The following SORCS1 variants were observed in gnomAD, a reference collection of about 807,000 sequenced individuals.
The protein encoded by SORCS1 is sortilin related VPS10 domain containing receptor 1.
Under a neutral mutation model 146.1 loss-of-function variants are expected in SORCS1, and 60 were observed. That is an observed-to-expected ratio of 0.41 (90% CI 0.33 to 0.51). SORCS1 has a LOEUF of 0.51. SORCS1 is among the 20% of genes least tolerant of loss of function. The probability of loss-of-function intolerance (pLI) is 0.21; values close to 1 mark genes in which losing one functional copy is unlikely to be tolerated. For missense variants in SORCS1, 1,352 were observed against 1,487.6 expected (o/e 0.91, Z 1.50); for synonymous variants, 637 against 584.0 (o/e 1.09, Z -1.31).
chr10:107,060,342 C>T lies in SORCS1; in HGVS notation c.558+103627G>A, dbSNP rs368482126. ...GTACTAGTACTGAGGAGGGTTCTTG[C>T]GAGATTAAAGTTAATTAAAAGATGA... On this transcript the variant is annotated intron_variant, in intron 1 of 25. Coordinates refer to ENST00000263054, the MANE Select transcript of SORCS1 (RefSeq NM_052918.5). This position sits in a 1 kb window ranked among gnomAD's most constrained non-coding sequence, Gnocchi z 4.1. Among the ~76,000 whole-genome samples the T allele has an allele frequency of 1.1e-4, 16 of 152,174 alleles. No individual in the cohort carries two copies. Among genetic ancestry groups the T allele is most frequent in the East Asian group, 7.7e-4 (4 of 5,182 alleles).
At chr10:106,771,782 G>C in intron 4 of SORCS1, among the ~76,000 whole-genome samples, 1 of 152,064 alleles carries the variant, frequency 6.6e-6, no homozygotes, top group Non-Finnish European at 1.5e-5. Context: ...AAGATTTCAG[G>C]GCTTTCCAAA....
At position 106,928,540 on chromosome 10, in the gene SORCS1, C is replaced by T. The variant is rs189717682; in HGVS notation, c.626+27973G>A. On this transcript the variant is annotated intron_variant, in intron 2 of 25. Transcript: ENST00000263054. Reference sequence around the variant, plus strand: ...CCTTGGCCAGCCCAGAAAGGGGCTCCCACAGTGCAGCGGTGGGCTGAAGGG... The same window carrying T: ...CCTTGGCCAGCCCAGAAAGGGGCTCTCACAGTGCAGCGGTGGGCTGAAGGG... 2.5e-3 allele frequency among the ~76,000 whole-genome samples: 386 copies of T among 152,332 alleles called. 3 individuals are homozygous for T. Among genetic ancestry groups the T allele is most frequent in the African/African-American group, 8.9e-3 (369 of 41,592 alleles).
chr10:106,964,739 C>T (rs930141476), intron 1 of SORCS1, among the ~76,000 whole-genome samples: 1 of 151,862 alleles, frequency 6.6e-6, no homozygotes, highest in Non-Finnish European at 1.5e-5. Flanking sequence ...GCCTGCCTTG[C>T]CCTCCCAAAG....
chr10:107,085,039 A>T (rs1373491234), intron 1 of SORCS1, among the ~76,000 whole-genome samples: 1 of 152,144 alleles, frequency 6.6e-6, no homozygotes, highest in Non-Finnish European at 1.5e-5. Flanking sequence ...AAGCCCTCAA[A>T]GCTTTTGTTT....
chr10:106,632,386 C>G (rs1196932587), intron 18 of SORCS1, among the ~76,000 whole-genome samples: 1 of 152,192 alleles, frequency 6.6e-6, no homozygotes, highest in Non-Finnish European at 1.5e-5. Context: ...GCCACTGTAA[C>G]AGCTTCACGC....
At chr10:106,652,822 T>C (rs530785293) in intron 17 of SORCS1, among the ~76,000 whole-genome samples, 2 of 152,268 alleles carry the variant, frequency 1.3e-5, no homozygotes, top group South Asian at 4.1e-4. Flanking sequence ...TTGTGGGAAA[T>C]GCACAGAAAT....
intron 13 of SORCS1, among the ~76,000 whole-genome samples, chr10:106,675,423 G>T (rs547634720): frequency 2.0e-5 from 3 of 152,072 alleles, no homozygotes; most frequent in Non-Finnish European, 4.4e-5. Context: ...TTATAAAATT[G>T]TTGAAAGTTT....
intron 1 of SORCS1, among the ~76,000 whole-genome samples, chr10:107,088,766 G>A (rs1236104078): frequency 6.6e-6 from 1 of 152,110 alleles, no homozygotes; most frequent in Non-Finnish European, 1.5e-5. Flanking sequence ...TACATAAATG[G>A]TAGGGCCTTA....
rs374687225 is a variant in SORCS1 at position 106,912,824 on chromosome 10, G to A, written c.626+43689C>T. ...CTCCTGAGTAGCTGGGACTACAGGC[G>A]CACACCACCATGCCCGGCTAATTTT... On this transcript the variant is annotated intron_variant, in intron 2 of 25. Coordinates refer to ENST00000263054, the MANE Select transcript of SORCS1 (RefSeq NM_052918.5). Among the ~76,000 whole-genome samples the A allele has an allele frequency of 5.2e-3, 791 of 151,950 alleles. 9 individuals are homozygous for A. The highest frequency in any genetic ancestry group is 0.018 in the African/African-American group (756 of 41,434).
At chr10:107,146,537 A>G (rs912454391) in intron 1 of SORCS1, among the ~76,000 whole-genome samples, 2 of 152,148 alleles carry the variant, frequency 1.3e-5, no homozygotes, top group African/African-American at 4.8e-5. Flanking sequence ...ACTGGTTTTC[A>G]TCATGAATAA....
At chr10:107,159,706 A>T (rs658154) in intron 1 of SORCS1, among the ~76,000 whole-genome samples, 24,940 of 152,122 alleles carry the variant, frequency 0.16, 2,517 homozygotes, top group East Asian at 0.29. Context: ...GTTTGATTTC[A>T]AACCCATTGC....
chr10:106,983,476 T>G lies in SORCS1; in HGVS notation c.559-26896A>C, dbSNP rs920195434. On this transcript the variant is annotated intron_variant, in intron 1 of 25. Coordinates refer to ENST00000263054, the MANE Select transcript of SORCS1 (RefSeq NM_052918.5). ...TTCTAAAATCAGAGGAAATCATTCT[T>G]CTCTTTCCACAGGACAATGAGGACC... Among the ~76,000 whole-genome samples, 41 of 152,094 alleles carry G rather than the reference T, an allele frequency of 2.7e-4. 1 individual carries two copies. The highest frequency in any genetic ancestry group is 7.7e-4 in the African/African-American group (32 of 41,442).
chr10:107,099,326 A>G (rs1166544652), intron 1 of SORCS1, among the ~76,000 whole-genome samples: 3 of 152,300 alleles, frequency 2.0e-5, no homozygotes, highest in Middle Eastern at 3.4e-3. Context: ...GTGTGAGACC[A>G]CTAGAAAATA....
At chr10:106,662,735 G>A (rs571992849) in intron 17 of SORCS1, among the ~76,000 whole-genome samples, 1 of 152,256 alleles carries the variant, frequency 6.6e-6, no homozygotes, top group South Asian at 2.1e-4. Flanking sequence ...ATCATTTCTT[G>A]TTCTTTTTGC....
At chr10:106,697,320 G>A (rs746013581) in intron 9 of SORCS1, among the ~76,000 whole-genome samples, 61 of 151,896 alleles carry the variant, frequency 4.0e-4, no homozygotes, top group South Asian at 8.3e-4. Context: ...GAAATTAGCC[G>A]GGCATGGTAG....
chr10:106,805,373 C>T (rs1049343005), intron 3 of SORCS1, among the ~76,000 whole-genome samples: 32 of 152,114 alleles, frequency 2.1e-4, no homozygotes, highest in Non-Finnish European at 2.9e-4. Flanking sequence ...TTGGGGTCCC[C>T]ATGCAGAAAG....
At chr10:106,594,108 T>G (rs1845770678) in intron 24 of SORCS1, among the ~76,000 whole-genome samples, 1 of 152,258 alleles carries the variant, frequency 6.6e-6, no homozygotes, top group African/African-American at 2.4e-5. Context: ...ATGCCTTTGC[T>G]GTATTCAGTT....
At chr10:106,731,095 G>T (rs1856561505) in intron 5 of SORCS1, among the ~76,000 whole-genome samples, 1 of 151,020 alleles carries the variant, frequency 6.6e-6, no homozygotes, top group Admixed American at 6.6e-5. Context: ...GGATCACAAG[G>T]TCAGGAGATT....
At chr10:107,009,295 T>C (rs1957587524) in intron 1 of SORCS1, among the ~76,000 whole-genome samples, 1 of 152,230 alleles carries the variant, frequency 6.6e-6, no homozygotes. Context: ...GTGTGTTGCA[T>C]GGAGTAGCAC....
Sources: gnomAD v4.1 joint callset for allele counts (sites outside exome capture counted in the v4.1 genomes callset) on GRCh38, gnomAD v4.1.1 for gene constraint, Gnocchi (gnomAD v3.1) non-coding constraint, MANE v1.5 for transcripts, NCBI Gene and HGNC (gene_info 2026-07-23, HGNC 2026-07-21) for gene names.